The following GSK3B variants were observed in gnomAD, a reference collection of about 807,000 sequenced individuals.
GSK3B encodes glycogen synthase kinase 3 beta, also known as glycogen synthase kinase-3 beta.
Under a neutral mutation model 56.4 loss-of-function variants are expected in GSK3B, and 15 were observed. The observed-to-expected ratio is 0.27, with a 90% confidence interval of 0.18 to 0.41. The LOEUF (loss-of-function observed/expected upper bound fraction) is 0.41, where lower values mean the gene tolerates loss of function less well. GSK3B is among the 10% of genes least tolerant of loss of function. The pLI is 1.00. For missense variants in GSK3B, 300 were observed against 513.4 expected (o/e 0.58, Z 4.02); for synonymous variants, 181 against 188.9 (o/e 0.96, Z 0.34).
At chr3:120,080,571 C>CT (rs2058410781) in intron 1 of GSK3B, among the ~76,000 whole-genome samples, 1 of 152,108 alleles carries the variant, frequency 6.6e-6, no homozygotes, top group Non-Finnish European at 1.5e-5. Flanking sequence ...TGGCTCATGC[C>CT]TGTAATCCCA....
chr3:119,989,520 C>T (rs554666506), intron 2 of GSK3B, among the ~76,000 whole-genome samples: 45 of 151,982 alleles, frequency 3.0e-4, no homozygotes, highest in African/African-American at 1.1e-3. Flanking sequence ...AGGCAGGCGC[C>T]TGTAGTCCCA....
chr3:119,838,853 A>G (rs1263991610), intron 10 of GSK3B, among the ~76,000 whole-genome samples: 1 of 152,230 alleles, frequency 6.6e-6, no homozygotes, highest in African/African-American at 2.4e-5. Flanking sequence ...AAGTGGAATT[A>G]CTGAACTAAA....
At chr3:119,893,727 T>C (rs2056529883) in intron 7 of GSK3B, among the ~76,000 whole-genome samples, 1 of 152,150 alleles carries the variant, frequency 6.6e-6, no homozygotes, top group Non-Finnish European at 1.5e-5. Context: ...CCTTCCCTTT[T>C]AGGGGGCAAT....
At chr3:119,967,820 TTC>T (rs1264879591) in intron 2 of GSK3B, among the ~76,000 whole-genome samples, 1 of 89,756 alleles carries the variant, frequency 1.1e-5, no homozygotes. Context: ...CTCCCTCCCT[TTC>T]TCTCTTTCTC....
At chr3:120,093,324 T>A in intron 1 of GSK3B, 23 bp downstream of exon 1, 1 of 1,461,782 alleles carries the variant, frequency 6.8e-7, no homozygotes, top group Non-Finnish European at 9.6e-7. Context: ...GGAAAAGGGG[T>A]GTAAAATAAA....
intron 1 of GSK3B, among the ~76,000 whole-genome samples, chr3:120,018,917 T>C (rs189622772): frequency 4.5e-4 from 69 of 152,290 alleles, no homozygotes; most frequent in African/African-American, 1.5e-3. Flanking sequence ...ATACATAGCC[T>C]AACAACAGGT....
intron 2 of GSK3B, among the ~76,000 whole-genome samples, chr3:119,975,651 T>C (rs1368216432): frequency 1.3e-5 from 2 of 152,180 alleles, no homozygotes; most frequent in Non-Finnish European, 2.9e-5. Context: ...AAATTTTTAG[T>C]GCAGTATTTT....
chr3:120,022,904 G>A (rs1441073236), intron 1 of GSK3B, among the ~76,000 whole-genome samples: 1 of 152,168 alleles, frequency 6.6e-6, no homozygotes, highest in East Asian at 1.9e-4. Flanking sequence ...AATGTCTTAG[G>A]ACATCCGATG....
At chr3:120,045,664 A>T (rs540064726) in intron 1 of GSK3B, among the ~76,000 whole-genome samples, 1 of 152,318 alleles carries the variant, frequency 6.6e-6, no homozygotes, top group South Asian at 2.1e-4. Flanking sequence ...CATCCACGAG[A>T]CACGCCCTTC....
At chr3:120,010,736 G>A (rs2057771326) in intron 1 of GSK3B, among the ~76,000 whole-genome samples, 1 of 152,060 alleles carries the variant, frequency 6.6e-6, no homozygotes, top group African/African-American at 2.4e-5. Context: ...TGGCCTGGGT[G>A]ACAAAGGGAG....
At chr3:119,866,775 A>C in intron 8 of GSK3B, 1 of 585,610 alleles carries the variant, frequency 1.7e-6, no homozygotes, top group Non-Finnish European at 3.0e-6. Flanking sequence ...TATAAACTTT[A>C]AACATCAGTC....
intron 3 of GSK3B, among the ~76,000 whole-genome samples, chr3:119,930,906 A>C (rs533222339): frequency 6.6e-6 from 1 of 152,260 alleles, no homozygotes; most frequent in Admixed American, 6.5e-5. Context: ...ACACAGCAGA[A>C]TACATCAAAG....
rs892236982 is a variant in GSK3B, at chr3:119,884,096, A to G, written c.814-7588T>C. Among the ~76,000 whole-genome samples, 3 of 152,156 alleles carry G rather than the reference A, an allele frequency of 2.0e-5. No individual in the cohort carries two copies. In the East Asian group the frequency reaches 5.8e-4, roughly 29 times the overall value. The stretch of plus-strand genomic sequence containing the variant: ...GAGTGCTAAAGATGGGCATACAAAT[A>G]TACAGAAAAAAGAGAAATTGAAACA... On this transcript the variant is annotated intron_variant, in intron 7 of 10. Coordinates refer to ENST00000264235, the MANE Select transcript of GSK3B (RefSeq NM_001146156.2).
chr3:119,915,990 T>C lies in GSK3B; in HGVS notation c.608+54A>G, dbSNP rs202192193. Reference sequence around the variant, plus strand: ...CAAAAGGAATATATTTAAAAGAAGATAGTAGGGGGAGGAGGGGAAAAGGGA... The same window carrying C: ...CAAAAGGAATATATTTAAAAGAAGACAGTAGGGGGAGGAGGGGAAAAGGGA... On this transcript the variant is annotated intron_variant, in intron 5 of 10. Coordinates refer to ENST00000264235, the MANE Select transcript of GSK3B (RefSeq NM_001146156.2). 1.6e-3 allele frequency: 1,979 copies of C among 1,245,094 alleles called. 4 individuals carry two copies. Among genetic ancestry groups the C allele is most frequent in the Non-Finnish European group, 1.9e-3 (1,607 of 861,114 alleles). The allele number at this position is 1,245,094 out of a possible 1,614,324, so 77.1% of individuals were successfully genotyped here.
At chr3:119,905,531 T>C (rs1439878284) in intron 7 of GSK3B, among the ~76,000 whole-genome samples, 1 of 152,096 alleles carries the variant, frequency 6.6e-6, no homozygotes, top group African/African-American at 2.4e-5. Context: ...GCATCAGATA[T>C]ACATAATAGC....
intron 2 of GSK3B, among the ~76,000 whole-genome samples, chr3:119,951,291 G>T (rs1053848829): frequency 6.6e-6 from 1 of 152,354 alleles, no homozygotes; most frequent in Admixed American, 6.5e-5. Flanking sequence ...GCTGAAAGTG[G>T]CAGGGTGCAG....
At chr3:119,939,660 A>G (rs998431626) in intron 3 of GSK3B, among the ~76,000 whole-genome samples, 5 of 152,218 alleles carry the variant, frequency 3.3e-5, no homozygotes, top group African/African-American at 4.8e-5. Context: ...TAGATAAGAA[A>G]TAATGTGGGC....
Position 119,923,410 on chromosome 3 carries a change from C to T in GSK3B, c.440G>A (p.Ser147Asn), listed in dbSNP as rs576401632. The change falls in exon 4 of 11, where the codon AGT (serine) becomes AAT (asparagine). Residue 147 changes from serine (S) to asparagine (N), a missense_variant. By Grantham distance (46) the Ser-to-Asn change is conservative (BLOSUM62 1). Around this residue, in one of 6 missense-constraint regions of GSK3B, gnomAD observed 62 missense variants for 84.0 expected, o/e 0.74. Coordinates refer to ENST00000264235, the MANE Select transcript of GSK3B (RefSeq NM_001146156.2). ...CACAGGGAGCGTCTGTTTGGCTCGA[C>T]TATAGTGTCTGGCAACTCTGTATAC... is the stretch of plus-strand genomic sequence containing the variant. Reference protein sequence around the residue: ...ETVYRVARHYSRAKQTLPVIY... With the variant: ...ETVYRVARHYNRAKQTLPVIY... The T allele has an allele frequency of 1.4e-5, 22 of 1,601,752 alleles. No individual in the cohort carries two copies. The African/African-American group carries it at 2.7e-4, about 19-fold the overall frequency.
intron 1 of GSK3B, among the ~76,000 whole-genome samples, chr3:120,039,895 G>A (rs909917707): frequency 1.2e-4 from 18 of 152,162 alleles, no homozygotes; most frequent in Admixed American, 4.6e-4. Context: ...GGGCTCATCC[G>A]GGATTCCCAT....
Sources: gnomAD v4.1 joint callset for allele counts (sites outside exome capture counted in the v4.1 genomes callset) on GRCh38, gnomAD v4.1.1 for gene constraint, gnomAD v4.1.1 regional missense constraint, MANE v1.5 for transcripts, NCBI Gene and HGNC (gene_info 2026-07-23, HGNC 2026-07-21) for gene names.